DCHS2: variants seen among roughly 807,000 people sequenced by gnomAD.
DCHS2 encodes dachsous cadherin-related 2.
Under a neutral mutation model 182.4 loss-of-function variants are expected in DCHS2, and 142 were observed. The ratio of observed to expected loss-of-function variants is 0.78; its 90% CI spans 0.68 to 0.89. The LOEUF (loss-of-function observed/expected upper bound fraction) is 0.89. DCHS2 is among the 40% of genes least tolerant of loss of function. The pLI, the probability that DCHS2 is intolerant of heterozygous loss-of-function variation, is 0.00. For missense variants in DCHS2, 4,319 were observed against 4,198.6 expected (o/e 1.03, Z -0.79); for synonymous variants, 1,740 against 1,663.3 (o/e 1.05, Z -1.12).
rs550802593 is a variant in DCHS2 at position 154,398,969 on chromosome 4, G to A, written c.2053-21525C>T. On this transcript the variant is annotated intron_variant, in intron 1 of 19. Coordinates refer to ENST00000357232, the MANE Select transcript of DCHS2 (RefSeq NM_001358235.2). ...CAGGACCCTGCTCCCCATCACCCCC[G>A]CCTTCTCACTAGGTCTAAGGGAAAA... is the stretch of plus-strand genomic sequence containing the variant. Among the ~76,000 whole-genome samples the A allele has an allele frequency of 8.5e-5, 13 of 152,202 alleles. No individual in the cohort carries two copies. In the South Asian group the frequency reaches 2.5e-3, roughly 29 times the overall value.
intron 4 of DCHS2, chr4:154,334,397 A>C (rs1728678314): frequency 6.5e-6 from 1 of 154,136 alleles, no homozygotes; most frequent in Non-Finnish European, 1.4e-5. Context: ...TCAAATTGGT[A>C]GCAAATGTAA....
intron 10 of DCHS2, among the ~76,000 whole-genome samples, chr4:154,307,471 A>G (rs62330257): frequency 0.27 from 40,782 of 151,656 alleles, 6,494 homozygotes; most frequent in South Asian, 0.36. Flanking sequence ...ACACATATCT[A>G]CCTTCTCTTA....
intron 1 of DCHS2, among the ~76,000 whole-genome samples, 159 bp from the exon 2 acceptor site, chr4:154,377,603 T>C (rs1262512518): frequency 6.6e-6 from 1 of 152,134 alleles, no homozygotes; most frequent in Non-Finnish European, 1.5e-5. Flanking sequence ...TTACCTTCTG[T>C]GATAATTCCC....
intron 19 of DCHS2, 28 bp downstream of exon 19, chr4:154,239,142 A>G (rs1306082566): frequency 2.5e-6 from 4 of 1,597,220 alleles, no homozygotes; most frequent in South Asian, 2.2e-5. Context: ...CAAACCTATG[A>G]GCATTAATGC....
chr4:154,322,387 T>G lies in DCHS2; in HGVS notation c.4120A>C (p.Ile1374Leu), dbSNP rs200551718. Residue 1374 changes from isoleucine to leucine, a missense_variant, in exon 8 of 20, where the codon ATT becomes CTT. Coordinates refer to ENST00000357232, the MANE Select transcript of DCHS2 (RefSeq NM_001358235.2). ...GGAGGCACTCCCTGGTCAGTGGCAA[T>G]GACACTCATTCTGTAGGAAGGTCTA... ...DYRPSYRMSV[I>L]ATDQGVPPLQ... 15 of 1,613,828 alleles carry G rather than the reference T, an allele frequency of 9.3e-6. No homozygotes were observed. The highest frequency in any genetic ancestry group is 1.1e-5 in the Non-Finnish European group (13 of 1,179,836).
intron 1 of DCHS2, among the ~76,000 whole-genome samples, chr4:154,471,193 A>C (rs1295445498): frequency 1.3e-5 from 2 of 152,168 alleles, no homozygotes; most frequent in Admixed American, 1.3e-4. Flanking sequence ...AAAATGTTTC[A>C]ACTCCACAGT....
chr4:154,394,245 T>G (rs1207491502), intron 1 of DCHS2, among the ~76,000 whole-genome samples: 1 of 152,136 alleles, frequency 6.6e-6, no homozygotes, highest in Non-Finnish European at 1.5e-5. Flanking sequence ...AAATTTTTAT[T>G]CTTGAAATGC....
At chr4:154,455,043 A>G (rs899774164) in intron 1 of DCHS2, among the ~76,000 whole-genome samples, 6 of 152,346 alleles carry the variant, frequency 3.9e-5, no homozygotes, top group Admixed American at 2.6e-4. Context: ...AAAAATGTTA[A>G]ATAAGAAAAA....
intron 10 of DCHS2, among the ~76,000 whole-genome samples, chr4:154,305,722 G>A (rs187196954): frequency 4.9e-4 from 75 of 152,112 alleles, no homozygotes; most frequent in Middle Eastern, 6.8e-3. Flanking sequence ...TTTTGTTTTC[G>A]ACTTAGTGTT....
chr4:154,264,463 A>G (rs2111185949), intron 14 of DCHS2, among the ~76,000 whole-genome samples: 1 of 152,348 alleles, frequency 6.6e-6, no homozygotes, highest in Admixed American at 6.5e-5. Context: ...GTTCCTCAGA[A>G]TGAAGAGAAA....
At chr4:154,299,907 T>C (rs938149809) in intron 12 of DCHS2, among the ~76,000 whole-genome samples, 5 of 152,144 alleles carry the variant, frequency 3.3e-5, no homozygotes, top group Admixed American at 3.3e-4. Flanking sequence ...AATGAGTACA[T>C]ATAGATAGTG....
At chr4:154,417,714 T>C (rs1477236653) in intron 1 of DCHS2, among the ~76,000 whole-genome samples, 1 of 152,216 alleles carries the variant, frequency 6.6e-6, no homozygotes, top group Non-Finnish European at 1.5e-5. Flanking sequence ...GGGAAAAAAG[T>C]GTCCTGGTTC....
At chr4:154,267,448 T>C (rs1452153500) in intron 14 of DCHS2, among the ~76,000 whole-genome samples, 3 of 152,208 alleles carry the variant, frequency 2.0e-5, no homozygotes, top group Non-Finnish European at 4.4e-5. Context: ...TTTTAACTTC[T>C]GGAATGAAGC....
Position 154,384,445 on chromosome 4 carries a change from T to A in DCHS2, c.2053-7001A>T, listed in dbSNP as rs776331263. ...GCACCCCAGAGCTCAGTCTCGGGAC[T>A]ACCTCTTTTCAATCCACACTGACTG... On this transcript the variant is annotated intron_variant, in intron 1 of 19. Transcript: ENST00000357232. The A allele has an allele frequency of 1.7e-5, 27 of 1,607,664 alleles. No homozygotes were observed. The Admixed American group carries it at 4.6e-4, about 27-fold the overall frequency.
At chr4:154,311,079 G>A (rs1486116635) in intron 10 of DCHS2, among the ~76,000 whole-genome samples, 1 of 152,170 alleles carries the variant, frequency 6.6e-6, no homozygotes, top group Non-Finnish European at 1.5e-5. Context: ...CTATCCTAGA[G>A]TAAAAGGTGG....
intron 1 of DCHS2, among the ~76,000 whole-genome samples, chr4:154,400,639 G>C (rs949385166): frequency 6.6e-6 from 1 of 152,154 alleles, no homozygotes; most frequent in African/African-American, 2.4e-5. Flanking sequence ...TTTTCTTGAA[G>C]GGATAATGAG....
At chr4:154,240,510 G>C in intron 18 of DCHS2, 27 bp downstream of exon 18, 1 of 1,603,402 alleles carries the variant, frequency 6.2e-7, no homozygotes, top group Non-Finnish European at 8.5e-7. Context: ...TTTGGCTTTG[G>C]TTTCGGCATC....
chr4:154,350,514 C>A (rs1729559393), intron 3 of DCHS2, among the ~76,000 whole-genome samples: 1 of 152,116 alleles, frequency 6.6e-6, no homozygotes, highest in Non-Finnish European at 1.5e-5. Context: ...GGTCCCCAGA[C>A]ACACAAAACA....
In DCHS2 at chr4:154,336,393, T is replaced by C. The variant is rs541248187; in HGVS notation, c.2477-1289A>G. On this transcript the variant is annotated intron_variant, in intron 3 of 19. Transcript: ENST00000357232. ...TGTTAGTTTTGTTTAATGAGAAAAATGTATGCAAACTTATTAAATGAATTT... is the reference window on the plus strand; with the variant it reads ...TGTTAGTTTTGTTTAATGAGAAAAACGTATGCAAACTTATTAAATGAATTT... Among the ~76,000 whole-genome samples, 11 of 152,310 alleles carry C rather than the reference T, an allele frequency of 7.2e-5. No individual in the cohort carries two copies. In the East Asian group the frequency reaches 2.1e-3, roughly 29 times the overall value.
Sources: gnomAD v4.1 joint callset for allele counts (sites outside exome capture counted in the v4.1 genomes callset) on GRCh38, gnomAD v4.1.1 for gene constraint, MANE v1.5 for transcripts, NCBI Gene and HGNC (gene_info 2026-07-23, HGNC 2026-07-21) for gene names.